FGF1: variants seen among roughly 807,000 people sequenced by gnomAD.
The protein encoded by FGF1 is beta-endothelial cell growth factor.
In FGF1, 9 loss-of-function variants were observed where a neutral mutation model predicts 13.4. The observed-to-expected ratio is 0.67, with a 90% CI of 0.40 to 1.17. The LOEUF is 1.17. Ranked by LOEUF, FGF1 falls within the 50% of genes most tolerant of loss-of-function variation. The probability of loss-of-function intolerance (pLI) is 0.01; values close to 1 mark genes in which losing one functional copy is unlikely to be tolerated. For synonymous variants in FGF1, 93 were observed against 79.0 expected (o/e 1.18, Z -0.94); for missense variants, 156 against 192.7 (o/e 0.81, Z 1.13).
At chr5:142,601,531 G>A (rs781060138) in intron 2 of FGF1, among the ~76,000 whole-genome samples, 5 of 151,952 alleles carry the variant, frequency 3.3e-5, no homozygotes, top group Non-Finnish European at 7.3e-5. Flanking sequence ...ATGCAGTGAT[G>A]AGAACAGTGG....
At chr5:142,622,159 A>G (rs1199112669) in intron 1 of FGF1, among the ~76,000 whole-genome samples, 3 of 152,248 alleles carry the variant, frequency 2.0e-5, no homozygotes, top group Non-Finnish European at 4.4e-5. Flanking sequence ...CCTGATGGGC[A>G]TTTGATAAAC....
rs561967853 is a variant in FGF1 at position 142,594,387 on chromosome 5, A to G, written c.*903T>C. On this transcript the variant is annotated 3_prime_UTR_variant, in exon 4 of 4. Transcript: ENST00000337706. ...GGCTAGGACCCCAAAGCCTCTGCTT[A>G]CCAGGGGCCAAGCACAATGTGTGGC... is the stretch of plus-strand genomic sequence containing the variant. The G allele has an allele frequency of 1.3e-5, 2 of 152,428 alleles. No individual in the cohort carries two copies. The highest frequency in any genetic ancestry group is 4.1e-4 in the South Asian group (2 of 4,836). 9.4% of individuals were successfully genotyped at this position (152,428 alleles called of 1,614,324 possible).
chr5:142,625,949 G>A (rs1762381444), intron 1 of FGF1, among the ~76,000 whole-genome samples: 1 of 152,046 alleles, frequency 6.6e-6, no homozygotes, highest in Non-Finnish European at 1.5e-5. Context: ...GCAGTCTTTT[G>A]AAGTATGTGT....
chr5:142,648,154 G>C (rs1028128641), intron 1 of FGF1, among the ~76,000 whole-genome samples: 7 of 152,122 alleles, frequency 4.6e-5, no homozygotes, highest in Non-Finnish European at 1.0e-4. Flanking sequence ...TTGGATCAAA[G>C]ATTCTCAGCT....
At chr5:142,606,548 G>A (rs544016769) in intron 2 of FGF1, among the ~76,000 whole-genome samples, 2 of 152,098 alleles carry the variant, frequency 1.3e-5, no homozygotes, top group South Asian at 2.1e-4. Context: ...GCTTGAACCC[G>A]GGAGAAGGAG....
In FGF1 at chr5:142,595,115, G is replaced by A. The variant is rs575476572; in HGVS notation, c.*175C>T. ...GGTCCCTCTGTTCTAAACTGTGCAGGGGTAAAAGGCTCTGCAAAGAAGTGA... is the reference window on the plus strand; with the variant it reads ...GGTCCCTCTGTTCTAAACTGTGCAGAGGTAAAAGGCTCTGCAAAGAAGTGA... On this transcript the variant is annotated 3_prime_UTR_variant, in exon 4 of 4. Coordinates refer to ENST00000337706, the MANE Select transcript of FGF1 (RefSeq NM_000800.5). 1.7e-6 allele frequency: 1 copy of A among 591,340 alleles called. No homozygotes were observed. Among genetic ancestry groups the A allele is most frequent in the African/African-American group, 1.9e-5 (1 of 53,600 alleles). The allele number at this position is 591,340 out of a possible 1,614,324, so 36.6% of individuals were successfully genotyped here.
Position 142,600,690 on chromosome 5 carries a change from C to T in FGF1, c.273+12G>A. 1 of 1,593,070 alleles carries T rather than the reference C, an allele frequency of 6.3e-7. No homozygotes were observed. Among genetic ancestry groups the T allele is most frequent in the Non-Finnish European group, 8.6e-7 (1 of 1,160,790 alleles). On this transcript the variant is annotated intron_variant, in intron 3 of 3. Transcript: ENST00000337706. ...TTGGCCACGTCTGGAAGCATGTCAG[C>T]TTCATACTTACTGAGCCGTATAAAA... is the stretch of plus-strand genomic sequence containing the variant.
rs569004076 is a variant in FGF1 at position 142,663,039 on chromosome 5, G to A, written c.-35+22918C>T. On this transcript the variant is annotated intron_variant, in intron 1 of 3. Transcript: ENST00000337706. The stretch of plus-strand genomic sequence containing the variant: ...GGGTCTTGCCGTGTTGCCCAGGCTG[G>A]TCTGGAACTCCTGGGCTTAAACAAT... 2.6e-5 allele frequency among the ~76,000 whole-genome samples: 4 copies of A among 152,190 alleles called. No homozygotes were observed. The East Asian group carries it at 5.8e-4, about 22-fold the overall frequency.
At chr5:142,614,222 G>T in intron 1 of FGF1, 61 bp from the exon 2 acceptor site, 1 of 1,358,258 alleles carries the variant, frequency 7.4e-7, no homozygotes, top group Non-Finnish European at 1.0e-6. Context: ...AATGCACTTT[G>T]AAGAGAGGAA....
At chr5:142,654,373 A>G (rs760200967) in intron 1 of FGF1, among the ~76,000 whole-genome samples, 22 of 152,224 alleles carry the variant, frequency 1.4e-4, no homozygotes, top group Non-Finnish European at 2.5e-4. Context: ...TTGGAACTCA[A>G]TGATTTTAGA....
intron 1 of FGF1, among the ~76,000 whole-genome samples, chr5:142,668,057 C>G (rs959469806): frequency 2.0e-5 from 3 of 152,220 alleles, no homozygotes; most frequent in Admixed American, 2.0e-4. Flanking sequence ...CTGGGCTCCA[C>G]GCCACTCCCT....
intron 2 of FGF1, among the ~76,000 whole-genome samples, chr5:142,612,617 C>CT (rs77284157): frequency 0.084 from 12,476 of 148,480 alleles, 794 homozygotes; most frequent in African/African-American, 0.17. Flanking sequence ...AAACTAGAGT[C>CT]TTTTTTTTTT....
At position 142,670,847 on chromosome 5, in the gene FGF1, G is replaced by C. The variant is rs17223241; in HGVS notation, c.-35+15110C>G. Among the ~76,000 whole-genome samples, 580 of 152,274 alleles carry C rather than the reference G, an allele frequency of 3.8e-3. 6 individuals carry two copies. Among genetic ancestry groups the C allele is most frequent in the African/African-American group, 0.012 (514 of 41,532 alleles). Reference sequence around the variant, plus strand: ...ATCTGTGATCTCTAGGGCCATTTCGGTTTTGAGAGCACACTATTGCACATA... The same window carrying C: ...ATCTGTGATCTCTAGGGCCATTTCGCTTTTGAGAGCACACTATTGCACATA... On this transcript the variant is annotated intron_variant, in intron 1 of 3. Transcript: ENST00000337706.
rs17223653 is a variant in FGF1, at chr5:142,613,208, A to G, written c.169+751T>C. 6.6e-5 allele frequency among the ~76,000 whole-genome samples: 10 copies of G among 152,356 alleles called. No individual in the cohort carries two copies. The South Asian group carries it at 1.0e-3, about 16-fold the overall frequency. On this transcript the variant is annotated intron_variant, in intron 2 of 3. Transcript: ENST00000337706. Reference sequence around the variant, plus strand: ...TGGACACCTAATATCAAACATACACACCAATGCCAGAAGTACCAAAGCAGA... The same window carrying G: ...TGGACACCTAATATCAAACATACACGCCAATGCCAGAAGTACCAAAGCAGA...
intron 1 of FGF1, among the ~76,000 whole-genome samples, chr5:142,654,839 G>A (rs1464553657): frequency 2.0e-5 from 3 of 152,234 alleles, no homozygotes; most frequent in African/African-American, 7.2e-5. Flanking sequence ...GAGAGAAAGA[G>A]GGAGAAGGGG....
chr5:142,687,332 T>C (rs1356390801), upstream of FGF1, among the ~76,000 whole-genome samples: 1 of 152,134 alleles, frequency 6.6e-6, no homozygotes, highest in Non-Finnish European at 1.5e-5. Flanking sequence ...GGGGAAGCCA[T>C]CCATGTGCCT....
intron 1 of FGF1, among the ~76,000 whole-genome samples, chr5:142,628,267 T>C (rs1488856120): frequency 2.0e-5 from 3 of 152,220 alleles, no homozygotes; most frequent in Non-Finnish European, 4.4e-5. Flanking sequence ...TCCCAGCATG[T>C]TGAGAGGCCG....
intron 1 of FGF1, chr5:142,621,245 CTT>C (rs1160360796): frequency 1.3e-5 from 2 of 152,310 alleles, no homozygotes; most frequent in Non-Finnish European, 2.9e-5. Flanking sequence ...AACCCTGTGA[CTT>C]TTTCTCTTAT....
chr5:142,598,554 A>G (rs1706682070), intron 3 of FGF1, among the ~76,000 whole-genome samples: 1 of 152,090 alleles, frequency 6.6e-6, no homozygotes, highest in Non-Finnish European at 1.5e-5. Context: ...AAAATCACCC[A>G]TTCTCCACCC....
Sources: allele counts gnomAD v4.1 joint callset (sites outside exome capture counted in the v4.1 genomes callset), GRCh38; gene constraint gnomAD v4.1.1; transcripts MANE v1.5; gene names NCBI Gene and HGNC (gene_info 2026-07-23, HGNC 2026-07-21).